Variants in NEGR1 observed in about 807,000 individuals in gnomAD.
The protein encoded by NEGR1 is neuronal growth regulator 1, also known as IgLON family member 4.
In NEGR1, 10 loss-of-function variants were observed where a neutral mutation model predicts 40.9. The ratio of observed to expected loss-of-function variants is 0.24; its 90% confidence interval spans 0.15 to 0.42. The LOEUF (loss-of-function observed/expected upper bound fraction) is 0.42. Among genes scored for constraint, NEGR1 ranks in the 10% least tolerant of loss-of-function variants. The pLI is 1.00. For synonymous variants in NEGR1, 185 were observed against 166.8 expected (o/e 1.11, Z -0.84); for missense variants, 352 against 438.9 (o/e 0.80, Z 1.77).
intron 1 of NEGR1, among the ~76,000 whole-genome samples, chr1:71,961,863 C>G (rs1219300791): frequency 6.6e-6 from 1 of 152,048 alleles, no homozygotes; most frequent in African/African-American, 2.4e-5. Flanking sequence ...TTTCCACTTA[C>G]TAGTTATATG....
In NEGR1 at chr1:71,474,731, A is replaced by C. The variant is rs144970639; in HGVS notation, c.941-67161T>G. On this transcript the variant is annotated intron_variant, in intron 6 of 6. Coordinates refer to ENST00000357731, the MANE Select transcript of NEGR1 (RefSeq NM_173808.3). ...AGACTCTATCTCAAAAAAAAAAAAAAAAAAAAACAAAAAAACAAAACCAGA... is the reference window on the plus strand; with the variant it reads ...AGACTCTATCTCAAAAAAAAAAAAACAAAAAAACAAAAAAACAAAACCAGA... Among the ~76,000 whole-genome samples, 853 of 148,912 alleles carry C rather than the reference A, an allele frequency of 5.7e-3. 17 individuals carry two copies. The highest frequency in any genetic ancestry group is 0.019 in the African/African-American group (785 of 40,554).
At chr1:71,675,209 A>G (rs1211509154) in intron 4 of NEGR1, among the ~76,000 whole-genome samples, 1 of 144,838 alleles carries the variant, frequency 6.9e-6, no homozygotes, top group Non-Finnish European at 1.5e-5. Context: ...AATAGCATTC[A>G]GTTAAGTAAA....
chr1:71,706,198 G>T (rs1039260542), intron 3 of NEGR1, among the ~76,000 whole-genome samples: 1 of 152,158 alleles, frequency 6.6e-6, no homozygotes, highest in African/African-American at 2.4e-5. Context: ...CAACAGCTGT[G>T]AGGCATTAAA....
chr1:72,093,824 G>A (rs1232359913), intron 1 of NEGR1, among the ~76,000 whole-genome samples: 5 of 152,020 alleles, frequency 3.3e-5, no homozygotes, highest in African/African-American at 4.8e-5. Flanking sequence ...CAATAGAAAA[G>A]GTTAGTTAAT....
In NEGR1 at chr1:71,484,298, CT is replaced by C. The variant is rs367987089; in HGVS notation, c.941-76729del. On this transcript the variant is annotated intron_variant, in intron 6 of 6. Coordinates refer to ENST00000357731, the MANE Select transcript of NEGR1 (RefSeq NM_173808.3). The stretch of plus-strand genomic sequence containing the variant: ...GAATATTATTCACCTTCATGCAAGA[CT>C]TTTTTTTTTCATCTCCAGGGTCAAC... Among the ~76,000 whole-genome samples the C allele has an allele frequency of 2.6e-4, 38 of 148,464 alleles. No individual in the cohort carries two copies. The South Asian group carries it at 4.9e-3, about 19-fold the overall frequency.
chr1:72,003,805 G>A (rs541785616), intron 1 of NEGR1, among the ~76,000 whole-genome samples: 77 of 152,038 alleles, frequency 5.1e-4, no homozygotes, highest in African/African-American at 1.4e-3. Flanking sequence ...TACAATGAAC[G>A]GAACTAAAAT....
intron 3 of NEGR1, among the ~76,000 whole-genome samples, chr1:71,730,184 T>C (rs1654812479): frequency 6.6e-6 from 1 of 152,070 alleles, no homozygotes; most frequent in African/African-American, 2.4e-5. Flanking sequence ...CTAGAACATG[T>C]ACAAGTTTTT....
intron 2 of NEGR1, among the ~76,000 whole-genome samples, chr1:71,854,226 T>C (rs1659694060): frequency 6.6e-6 from 1 of 152,080 alleles, no homozygotes; most frequent in Non-Finnish European, 1.5e-5. Context: ...CTTCTATTTC[T>C]ACATTTAGAA....
At chr1:71,473,188 G>T (rs185832031) in intron 6 of NEGR1, among the ~76,000 whole-genome samples, 15 of 152,124 alleles carry the variant, frequency 9.9e-5, no homozygotes, top group Middle Eastern at 6.8e-3. Context: ...AAGATTGAAA[G>T]TGCACATTCA....
chr1:71,731,639 T>C (rs989819194), intron 3 of NEGR1, among the ~76,000 whole-genome samples: 1 of 152,232 alleles, frequency 6.6e-6, no homozygotes, highest in Admixed American at 6.5e-5. Flanking sequence ...ATCTTTTTTC[T>C]TGGCTGTTCA....
At chr1:72,057,980 G>C (rs1647127502) in intron 1 of NEGR1, among the ~76,000 whole-genome samples, 1 of 151,492 alleles carries the variant, frequency 6.6e-6, no homozygotes, top group South Asian at 2.1e-4. Flanking sequence ...TATGAGCTTT[G>C]AGGGATCACA....
chr1:71,774,737 G>T (rs1262136860), intron 3 of NEGR1, among the ~76,000 whole-genome samples: 2 of 151,994 alleles, frequency 1.3e-5, no homozygotes, highest in Non-Finnish European at 2.9e-5. Flanking sequence ...AAATGAGGTG[G>T]GGTCCTATTT....
chr1:71,729,861 G>A (rs945097070), intron 3 of NEGR1, among the ~76,000 whole-genome samples: 5 of 127,756 alleles, frequency 3.9e-5, no homozygotes, highest in African/African-American at 1.5e-4. Context: ...TTTTTTTTTT[G>A]TAAAGATGGG....
chr1:71,553,151 A>G (rs1240750961), intron 6 of NEGR1, among the ~76,000 whole-genome samples: 1 of 151,490 alleles, frequency 6.6e-6, no homozygotes, highest in Non-Finnish European at 1.5e-5. Context: ...AGTATATTTG[A>G]ACTGCATTTC....
intron 6 of NEGR1, among the ~76,000 whole-genome samples, chr1:71,493,832 T>A (rs1646945000): frequency 6.6e-6 from 1 of 152,180 alleles, no homozygotes; most frequent in South Asian, 2.1e-4. Context: ...CCATCCAGAA[T>A]TTATGTGTTT....
chr1:71,658,965 C>G (rs1651966051), intron 4 of NEGR1, among the ~76,000 whole-genome samples: 1 of 152,090 alleles, frequency 6.6e-6, no homozygotes, highest in Admixed American at 6.5e-5. Context: ...TGTGTCATAA[C>G]TGTTTAGATT....
chr1:71,738,664 C>T (rs768837615), intron 3 of NEGR1, among the ~76,000 whole-genome samples: 4 of 152,048 alleles, frequency 2.6e-5, no homozygotes, highest in Non-Finnish European at 5.9e-5. Flanking sequence ...TAGTGTCCTG[C>T]CTGTGTGTCC....
At chr1:71,569,497 T>C (rs1201123062) in intron 6 of NEGR1, among the ~76,000 whole-genome samples, 1 of 152,170 alleles carries the variant, frequency 6.6e-6, no homozygotes, top group South Asian at 2.1e-4. Context: ...TCCATTATTG[T>C]TGTTGAAATA....
At chr1:72,255,547 C>CCT (rs779145950) in intron 1 of NEGR1, among the ~76,000 whole-genome samples, 1 of 125,354 alleles carries the variant, frequency 8.0e-6, no homozygotes, top group Admixed American at 8.6e-5. Context: ...AAAAATACTT[C>CCT]TTTTTTTTTT....
Sources: allele counts gnomAD v4.1 joint callset (sites outside exome capture counted in the v4.1 genomes callset), GRCh38; gene constraint gnomAD v4.1.1; transcripts MANE v1.5; gene names NCBI Gene and HGNC (gene_info 2026-07-23, HGNC 2026-07-21).